CPEB3: variants seen among roughly 807,000 people sequenced by gnomAD.
The protein encoded by CPEB3 is cytoplasmic polyadenylation element-binding protein 3.
CPEB3 carries 20 observed loss-of-function variants against 67.2 expected under a neutral mutation model. That is an observed-to-expected ratio of 0.30 (90% CI 0.21 to 0.43). CPEB3 has a LOEUF of 0.43. CPEB3 is among the 20% of genes least tolerant of loss of function. CPEB3 has a pLI of 1.00. For missense variants in CPEB3, 746 were observed against 968.6 expected (o/e 0.77, Z 3.05); for synonymous variants, 376 against 393.1 (o/e 0.96, Z 0.51).
In CPEB3 at chr10:92,190,711, A is replaced by G. The variant is rs867668586; in HGVS notation, c.1165+1766T>C. 2.7e-5 allele frequency among the ~76,000 whole-genome samples: 4 copies of G among 147,244 alleles called. 1 individual carries two copies. The highest frequency in any genetic ancestry group is 4.5e-5 in the Non-Finnish European group (3 of 66,724). The stretch of plus-strand genomic sequence containing the variant: ...AAAAAAAAAAAAAAAAAGGAGGAGG[A>G]AAAACCAGATAGTAGAGGGAAGTGC... On this transcript the variant is annotated intron_variant, in intron 3 of 9. Coordinates refer to ENST00000265997, the MANE Select transcript of CPEB3 (RefSeq NM_014912.5).
chr10:92,078,316 TATA>T (rs1843011244), intron 9 of CPEB3, among the ~76,000 whole-genome samples: 1 of 152,212 alleles, frequency 6.6e-6, no homozygotes, highest in South Asian at 2.1e-4. Context: ...ACTCAAGCTA[TATA>T]ATATTAACAA....
At position 92,250,983 on chromosome 10, in the gene CPEB3, AGCCTCCCAAAGT is replaced by A. The variant is rs370074285; in HGVS notation, c.-11-10634_-11-10623del. 4.6e-3 allele frequency among the ~76,000 whole-genome samples: 688 copies of A among 148,048 alleles called. 1 individual carries two copies. The highest frequency in any genetic ancestry group is 0.015 in the African/African-American group (600 of 39,992). Reference sequence around the variant, plus strand: ...TGAGCTCAGGCAATCCGCCCACCTCAGCCTCCCAAAGTGCTAGGATTACAGGCATGAGCCACC... The same window carrying A: ...TGAGCTCAGGCAATCCGCCCACCTCAGCTAGGATTACAGGCATGAGCCACC... On this transcript the variant is annotated intron_variant, in intron 1 of 9. Transcript: ENST00000265997.
chr10:92,075,012 T>G (rs1489222630), intron 9 of CPEB3, among the ~76,000 whole-genome samples: 1 of 152,176 alleles, frequency 6.6e-6, no homozygotes, highest in African/African-American at 2.4e-5. Context: ...TGCCAAGCAC[T>G]TCCATTCAGA....
chr10:92,093,992 T>C (rs1195212638), intron 7 of CPEB3, among the ~76,000 whole-genome samples: 1 of 152,052 alleles, frequency 6.6e-6, no homozygotes, highest in Non-Finnish European at 1.5e-5. Context: ...GTAGTTGGAA[T>C]TACCGGCACC....
At chr10:92,288,973 C>T (rs1436026634) in intron 1 of CPEB3, among the ~76,000 whole-genome samples, 5 of 152,174 alleles carry the variant, frequency 3.3e-5, no homozygotes, top group Non-Finnish European at 2.9e-5. Flanking sequence ...GGGCTGTGCA[C>T]GGTGGCTCAC....
chr10:92,176,459 C>A (rs899950887), intron 4 of CPEB3, among the ~76,000 whole-genome samples: 3 of 152,238 alleles, frequency 2.0e-5, no homozygotes, highest in Admixed American at 6.5e-5. Context: ...CCAGATGATG[C>A]CTTTGGCTTT....
chr10:92,172,965 A>T (rs931793555), intron 4 of CPEB3, among the ~76,000 whole-genome samples: 7 of 152,196 alleles, frequency 4.6e-5, no homozygotes, highest in African/African-American at 1.7e-4. Flanking sequence ...GGTGGACTGG[A>T]TATTCTCTAA....
intron 2 of CPEB3, among the ~76,000 whole-genome samples, chr10:92,212,901 C>G (rs1005864190): frequency 6.6e-6 from 1 of 152,072 alleles, no homozygotes; most frequent in African/African-American, 2.4e-5. Context: ...AAGACCCCAT[C>G]TCTACAAAAA....
chr10:92,178,411 G>A (rs1214835413), intron 4 of CPEB3, among the ~76,000 whole-genome samples: 2 of 152,024 alleles, frequency 1.3e-5, no homozygotes, highest in African/African-American at 4.8e-5. Context: ...TGCCCACCTC[G>A]GCCTCTCAAA....
intron 4 of CPEB3, among the ~76,000 whole-genome samples, chr10:92,147,549 C>T (rs1431429289): frequency 6.6e-6 from 1 of 152,134 alleles, no homozygotes; most frequent in Non-Finnish European, 1.5e-5. Context: ...AGGAAATATT[C>T]ACCCATATTT....
At chr10:92,105,722 T>TG (rs1329164750) in intron 7 of CPEB3, among the ~76,000 whole-genome samples, 34 of 146,510 alleles carry the variant, frequency 2.3e-4, no homozygotes, top group South Asian at 4.3e-4. Flanking sequence ...TGGGTTTTTT[T>TG]TTTTTTTTTT....
At chr10:92,179,733 T>A (rs1425941662) in intron 4 of CPEB3, among the ~76,000 whole-genome samples, 3 of 152,190 alleles carry the variant, frequency 2.0e-5, no homozygotes, top group Non-Finnish European at 4.4e-5. Context: ...AAAATATGCA[T>A]GGAGAGGCTT....
chr10:92,115,298 C>T (rs1241161638), intron 6 of CPEB3, among the ~76,000 whole-genome samples: 2 of 152,184 alleles, frequency 1.3e-5, no homozygotes, highest in African/African-American at 4.8e-5. Flanking sequence ...TGACTACAGG[C>T]GTGTGACACC....
At chr10:92,216,624 G>A in intron 2 of CPEB3, 1 of 1,609,512 alleles carries the variant, frequency 6.2e-7, no homozygotes, top group Non-Finnish European at 8.5e-7. Context: ...CCAGTTAGGT[G>A]TGAGGACCGA....
intron 1 of CPEB3, among the ~76,000 whole-genome samples, chr10:92,249,369 C>T (rs1852197255): frequency 7.7e-6 from 1 of 130,024 alleles, no homozygotes; most frequent in Admixed American, 8.0e-5. Context: ...CAGAGCGAGA[C>T]TCCGTCTCAA....
chr10:92,098,292 A>T (rs527446535), intron 7 of CPEB3, among the ~76,000 whole-genome samples: 1 of 151,386 alleles, frequency 6.6e-6, no homozygotes, highest in East Asian at 1.9e-4. Context: ...TACACTTCCA[A>T]TAATTCTGCC....
intron 8 of CPEB3, among the ~76,000 whole-genome samples, chr10:92,090,982 G>C (rs1338470132): frequency 6.6e-6 from 1 of 152,228 alleles, no homozygotes; most frequent in Non-Finnish European, 1.5e-5. Flanking sequence ...TCTTTTAGGT[G>C]TAGGCTGGAG....
intron 1 of CPEB3, among the ~76,000 whole-genome samples, chr10:92,263,582 C>A (rs1053653255): frequency 1.3e-5 from 2 of 152,196 alleles, no homozygotes; most frequent in Admixed American, 6.5e-5. Flanking sequence ...AAACAATAAT[C>A]TTGCTATGCA....
At chr10:92,241,314 T>C (rs868626731) in intron 1 of CPEB3, among the ~76,000 whole-genome samples, 1 of 115,760 alleles carries the variant, frequency 8.6e-6, no homozygotes, top group Non-Finnish European at 1.7e-5. Context: ...GCCTGTGAGA[T>C]AGGGTGGGGG....
Sources: allele counts gnomAD v4.1 joint callset (sites outside exome capture counted in the v4.1 genomes callset), GRCh38; gene constraint gnomAD v4.1.1; transcripts MANE v1.5; gene names NCBI Gene and HGNC (gene_info 2026-07-23, HGNC 2026-07-21).